ATP6V1G3: variants seen among roughly 807,000 people sequenced by gnomAD.
ATP6V1G3 encodes ATPase H+ transporting V1 subunit G3.
A neutral mutation model predicts 9.3 loss-of-function variants in ATP6V1G3; 9 were observed. The ratio of observed to expected loss-of-function variants is 0.97; its 90% CI spans 0.59 to 1.69. The LOEUF (loss-of-function observed/expected upper bound fraction) is 1.69. Ranked by LOEUF, ATP6V1G3 falls within the 40% of genes most tolerant of loss-of-function variation. ATP6V1G3 has a pLI of 0.00. For missense variants in ATP6V1G3, 133 were observed against 139.0 expected (o/e 0.96, Z 0.22); for synonymous variants, 43 against 43.8 (o/e 0.98, Z 0.07).
At chr1:198,531,541 C>T (rs1169923413) in intron 1 of ATP6V1G3, among the ~76,000 whole-genome samples, 7 of 152,086 alleles carry the variant, frequency 4.6e-5, no homozygotes, top group African/African-American at 1.2e-4. Context: ...AACTCTGTGT[C>T]GGAGACAAAG....
chr1:198,525,963 A>G (rs565437893), intron 2 of ATP6V1G3, among the ~76,000 whole-genome samples: 1 of 152,276 alleles, frequency 6.6e-6, no homozygotes, highest in Non-Finnish European at 1.5e-5. Flanking sequence ...TTATTACTAT[A>G]ATTTTCACTG....
intron 2 of ATP6V1G3, among the ~76,000 whole-genome samples, chr1:198,525,540 A>C (rs1205146210): frequency 6.6e-6 from 1 of 152,172 alleles, no homozygotes; most frequent in Non-Finnish European, 1.5e-5. Flanking sequence ...TATGAGCCAC[A>C]AAGGCAACTC....
At chr1:198,524,125 T>A (rs1304297523) in intron 2 of ATP6V1G3, among the ~76,000 whole-genome samples, 1 of 3,936 alleles carries the variant, frequency 2.5e-4, no homozygotes, top group Non-Finnish European at 3.7e-3. Context: ...TATGCACAAT[T>A]TTTTTTTTTT....
chr1:198,534,352 C>T (rs1220467827), intron 1 of ATP6V1G3, among the ~76,000 whole-genome samples: 2 of 152,100 alleles, frequency 1.3e-5, no homozygotes, highest in African/African-American at 2.4e-5. Flanking sequence ...GATGCAGCTG[C>T]GAGACAAGGA....
intron 2 of ATP6V1G3, among the ~76,000 whole-genome samples, chr1:198,526,791 A>G (rs577348326): frequency 1.3e-5 from 2 of 152,292 alleles, no homozygotes; most frequent in African/African-American, 4.8e-5. Flanking sequence ...TAAAGATATA[A>G]AGGTCTTCAA....
At chr1:198,540,496 A>C in intron 1 of ATP6V1G3, 73 bp downstream of exon 1, 1 of 1,513,444 alleles carries the variant, frequency 6.6e-7, no homozygotes, top group South Asian at 1.1e-5. Flanking sequence ...TGCCTAATCC[A>C]AAAGTCTATG....
chr1:198,523,480 T>A lies in ATP6V1G3; in HGVS notation c.268A>T (p.Lys90Ter), dbSNP rs1659528452. The A allele has an allele frequency of 6.2e-7, 1 of 1,613,616 alleles. No individual in the cohort carries two copies. The highest frequency in any genetic ancestry group is 8.5e-7 in the Non-Finnish European group (1 of 1,179,758). ...TGGTTCATCACACTTTCCATATACT[T>A]ATTGTAGTGTCCATTAAGTTCTTGT... ...KIQELNGHYN[K>*]YMESVMNQLL... The change falls in exon 3 of 3, where the codon AAG becomes TAG. Residue 90 changes from lysine to a stop codon, truncating the protein, a stop_gained. Coordinates refer to ENST00000367382, the MANE Select transcript of ATP6V1G3 (RefSeq NM_001376861.1). LOFTEE classifies it low-confidence loss of function (END_TRUNC).
chr1:198,527,330 T>G (rs537080829), intron 2 of ATP6V1G3, among the ~76,000 whole-genome samples: 1 of 152,188 alleles, frequency 6.6e-6, no homozygotes, highest in South Asian at 2.1e-4. Context: ...TAAAATTGGC[T>G]TGGAGCGCTA....
intron 2 of ATP6V1G3, among the ~76,000 whole-genome samples, chr1:198,527,986 G>C (rs931099714): frequency 6.6e-6 from 1 of 152,054 alleles, no homozygotes; most frequent in African/African-American, 2.4e-5. Context: ...TACATGTGAA[G>C]GCCTCATGGT....
intron 1 of ATP6V1G3, among the ~76,000 whole-genome samples, chr1:198,538,833 G>A (rs904399017): frequency 6.8e-6 from 1 of 146,536 alleles, no homozygotes; most frequent in African/African-American, 2.6e-5. Context: ...AGAGATGGAG[G>A]TGGCAAGGAG....
intron 1 of ATP6V1G3, 105 bp from the exon 2 acceptor site, chr1:198,529,286 C>A: frequency 3.9e-6 from 1 of 255,484 alleles, no homozygotes; most frequent in Non-Finnish European, 6.6e-6. Flanking sequence ...AACAACTGTA[C>A]ATATATGTTA....
chr1:198,527,950 A>C (rs561537029), intron 2 of ATP6V1G3, among the ~76,000 whole-genome samples: 98 of 152,258 alleles, frequency 6.4e-4, no homozygotes, highest in Middle Eastern at 3.4e-3. Flanking sequence ...ATATCTAAAG[A>C]AAAGAATTGT....
chr1:198,540,452 G>A, intron 1 of ATP6V1G3, 117 bp downstream of exon 1: 1 of 967,770 alleles, frequency 1.0e-6, no homozygotes. Flanking sequence ...AGGTCTCACA[G>A]GGAGTACAGT....
chr1:198,536,845 T>C (rs898016931), intron 1 of ATP6V1G3: 5 of 778,170 alleles, frequency 6.4e-6, no homozygotes, highest in Middle Eastern at 3.5e-4. Context: ...AAAATAACTC[T>C]AGTGTGTATT....
chr1:198,524,719 C>T (rs1659589796), intron 2 of ATP6V1G3, among the ~76,000 whole-genome samples: 1 of 151,676 alleles, frequency 6.6e-6, no homozygotes, highest in African/African-American at 2.4e-5. Context: ...TTTACTAAAG[C>T]AAAAAAAATC....
At chr1:198,532,414 A>G (rs999880996) in intron 1 of ATP6V1G3, among the ~76,000 whole-genome samples, 2 of 152,214 alleles carry the variant, frequency 1.3e-5, no homozygotes, top group Admixed American at 1.3e-4. Context: ...AATAAGAGAT[A>G]TTTAATCAAC....
intron 1 of ATP6V1G3, among the ~76,000 whole-genome samples, chr1:198,536,093 A>G (rs916714708): frequency 2.6e-5 from 4 of 152,150 alleles, no homozygotes; most frequent in African/African-American, 9.7e-5. Flanking sequence ...TTCCAAAGTA[A>G]ATAAATTGAG....
At chr1:198,538,780 G>A (rs573966052) in intron 1 of ATP6V1G3, among the ~76,000 whole-genome samples, 2 of 151,508 alleles carry the variant, frequency 1.3e-5, no homozygotes, top group East Asian at 3.9e-4. Context: ...GCGTGTGTCT[G>A]TGGTCCCAGC....
At chr1:198,532,962 T>C (rs1310784110) in intron 1 of ATP6V1G3, among the ~76,000 whole-genome samples, 1 of 152,140 alleles carries the variant, frequency 6.6e-6, no homozygotes, top group Non-Finnish European at 1.5e-5. Context: ...GAATACTAAA[T>C]TCATGAAGGG....
Sources: gnomAD v4.1 joint callset for allele counts (sites outside exome capture counted in the v4.1 genomes callset) on GRCh38, gnomAD v4.1.1 for gene constraint, MANE v1.5 for transcripts, NCBI Gene and HGNC (gene_info 2026-07-23, HGNC 2026-07-21) for gene names.